The following SBF2 variants were observed in gnomAD, a reference collection of about 807,000 sequenced individuals.
SBF2 encodes myotubularin-related protein 13.
A neutral mutation model predicts 225.2 loss-of-function variants in SBF2; 112 were observed. The ratio of observed to expected loss-of-function variants is 0.50; its 90% CI spans 0.43 to 0.58. The LOEUF is 0.58. SBF2 is among the 20% of genes least tolerant of loss of function. The probability of loss-of-function intolerance (pLI) is 0.00; values close to 1 mark genes in which losing one functional copy is unlikely to be tolerated. For synonymous variants in SBF2, 763 were observed against 773.3 expected, an observed-to-expected ratio of 0.99 and a Z score of 0.22; for missense variants, 1,996 against 2,206.2, an observed-to-expected ratio of 0.90 and a Z score of 1.91.
intron 36 of SBF2, among the ~76,000 whole-genome samples, chr11:9,787,388 C>T (rs764764213): frequency 1.3e-5 from 2 of 152,172 alleles, no homozygotes; most frequent in Non-Finnish European, 2.9e-5. Flanking sequence ...GAACCCAATA[C>T]TTTTCCTTGG....
At chr11:9,809,864 T>C (rs1388237814) in intron 30 of SBF2, among the ~76,000 whole-genome samples, 2 of 152,134 alleles carry the variant, frequency 1.3e-5, no homozygotes, top group African/African-American at 4.8e-5. Context: ...GTATTCTTAA[T>C]TTTTTGGGAA....
At chr11:10,173,426 C>A (rs1237100984) in intron 2 of SBF2, among the ~76,000 whole-genome samples, 3 of 152,226 alleles carry the variant, frequency 2.0e-5, no homozygotes, top group African/African-American at 7.2e-5. Flanking sequence ...TCAGTTCACT[C>A]CCACCCGAAT....
At chr11:10,194,171 T>A (rs1358451985) in intron 1 of SBF2, among the ~76,000 whole-genome samples, 184 bp from the exon 2 acceptor site, 1 of 152,190 alleles carries the variant, frequency 6.6e-6, no homozygotes, top group African/African-American at 2.4e-5. Flanking sequence ...GACCTCCATA[T>A]CCATGGGTTT....
chr11:10,260,594 T>C (rs1204489642), intron 1 of SBF2, among the ~76,000 whole-genome samples: 2 of 149,554 alleles, frequency 1.3e-5, no homozygotes, highest in Non-Finnish European at 3.0e-5. Context: ...CGGGCACCTG[T>C]AGTCCCAGCT....
At chr11:10,072,251 T>C (rs563522576) in intron 2 of SBF2, among the ~76,000 whole-genome samples, 40 of 152,332 alleles carry the variant, frequency 2.6e-4, no homozygotes, top group Admixed American at 1.8e-3. Context: ...ATTAAGACTA[T>C]AGTTCCTAAA....
chr11:9,967,969 CTCTATATATATA>C (rs1397408832), intron 14 of SBF2, among the ~76,000 whole-genome samples: 34 of 87,418 alleles, frequency 3.9e-4, no homozygotes, highest in African/African-American at 6.5e-4. Context: ...CTCTCTCTCT[CTCTATATATATA>C]TATATATATA....
chr11:9,783,688 C>A (rs1852181492), intron 38 of SBF2, among the ~76,000 whole-genome samples: 1 of 152,166 alleles, frequency 6.6e-6, no homozygotes. Context: ...TAACAGTAGT[C>A]AAAAGATTTC....
chr11:9,935,165 C>A (rs577696615), intron 16 of SBF2, among the ~76,000 whole-genome samples: 23 of 152,214 alleles, frequency 1.5e-4, no homozygotes, highest in African/African-American at 5.5e-4. Flanking sequence ...CAATAACAGA[C>A]AAACGGAGAG....
At position 9,979,476 on chromosome 11, in the gene SBF2, A is replaced by G. The variant is rs139016789; in HGVS notation, c.1395+10021T>C. Among the ~76,000 whole-genome samples the G allele has an allele frequency of 9.8e-3, 1,498 of 152,342 alleles. 26 individuals carry two copies. Among genetic ancestry groups the G allele is most frequent in the African/African-American group, 0.034 (1,401 of 41,572 alleles). On this transcript the variant is annotated intron_variant, in intron 13 of 39. Transcript: ENST00000256190. Reference sequence around the variant, plus strand: ...ACAGCCACTATAAGTGGCAAAGACCAGCATACAACACAAGTTTTCCTTCTA... The same window carrying G: ...ACAGCCACTATAAGTGGCAAAGACCGGCATACAACACAAGTTTTCCTTCTA...
Position 9,900,884 on chromosome 11 carries a change from G to A in SBF2, c.1861-4873C>T, listed in dbSNP as rs151254205. 1.4e-3 allele frequency among the ~76,000 whole-genome samples: 214 copies of A among 152,122 alleles called. 2 individuals carry two copies. The highest frequency in any genetic ancestry group is 4.8e-3 in the African/African-American group (198 of 41,486). On this transcript the variant is annotated intron_variant, in intron 16 of 39. Transcript: ENST00000256190. ...TCCAAGTAGTTGGGACTACAGGCACGCATCACCGCACCCAGCTAATTTTTA... is the reference window on the plus strand; with the variant it reads ...TCCAAGTAGTTGGGACTACAGGCACACATCACCGCACCCAGCTAATTTTTA...
At chr11:10,085,523 C>T (rs1258583456) in intron 2 of SBF2, among the ~76,000 whole-genome samples, 1 of 152,004 alleles carries the variant, frequency 6.6e-6, no homozygotes, top group Non-Finnish European at 1.5e-5. Flanking sequence ...ACATTTCTCT[C>T]CTGCTTTTGT....
At chr11:10,242,692 G>A (rs114552646) in intron 1 of SBF2, among the ~76,000 whole-genome samples, 1 of 152,200 alleles carries the variant, frequency 6.6e-6, no homozygotes, top group African/African-American at 2.4e-5. Context: ...AAGGGTGACT[G>A]TAGTTACATC....
rs374142198 is a variant in SBF2 at position 10,131,040 on chromosome 11, G to A, written c.141+62862C>T. ...AAATTTTAATTTATCTAGGAGAAAC[G>A]CCCAAGAGTACAACTGCTGAGTCAT... On this transcript the variant is annotated intron_variant, in intron 2 of 39. Transcript: ENST00000256190. 2.6e-5 allele frequency among the ~76,000 whole-genome samples: 4 copies of A among 152,188 alleles called. No individual in the cohort carries two copies. In the East Asian group the frequency reaches 5.8e-4, roughly 22 times the overall value.
intron 17 of SBF2, among the ~76,000 whole-genome samples, chr11:9,867,582 C>A (rs564726177): frequency 6.6e-6 from 1 of 152,046 alleles, no homozygotes; most frequent in Admixed American, 6.6e-5. Context: ...TTTATTATAG[C>A]GCTATTCACA....
At chr11:9,968,192 G>T in intron 14 of SBF2, 149 bp downstream of exon 14, 2 of 711,386 alleles carry the variant, frequency 2.8e-6, no homozygotes, top group Non-Finnish European at 4.9e-6. Flanking sequence ...GGCAGTGAAT[G>T]AAACAGTTTC....
chr11:10,221,612 G>A (rs1175259618), intron 1 of SBF2, among the ~76,000 whole-genome samples: 1 of 152,132 alleles, frequency 6.6e-6, no homozygotes, highest in Non-Finnish European at 1.5e-5. Flanking sequence ...CTTATGCTAT[G>A]GCTGAGTAAG....
At chr11:10,056,921 C>T (rs930781196) in intron 2 of SBF2, among the ~76,000 whole-genome samples, 2 of 152,140 alleles carry the variant, frequency 1.3e-5, no homozygotes, top group Admixed American at 1.3e-4. Flanking sequence ...TAAAATGTGG[C>T]CAGACTGTTT....
intron 2 of SBF2, among the ~76,000 whole-genome samples, chr11:10,109,121 C>T (rs891782192): frequency 7.2e-5 from 11 of 151,890 alleles, no homozygotes; most frequent in African/African-American, 9.7e-5. Flanking sequence ...ATTTAGAAAC[C>T]GCCAAATTAA....
intron 16 of SBF2, among the ~76,000 whole-genome samples, chr11:9,913,834 G>A (rs1405054355): frequency 6.6e-6 from 1 of 152,054 alleles, no homozygotes. Context: ...CATTAGTAAA[G>A]GCCTACTTAC....
Sources: allele counts gnomAD v4.1 joint callset (sites outside exome capture counted in the v4.1 genomes callset), GRCh38; gene constraint gnomAD v4.1.1; transcripts MANE v1.5; gene names NCBI Gene and HGNC (gene_info 2026-07-23, HGNC 2026-07-21).